Variants in CYP4F3 observed in about 807,000 individuals in gnomAD.
CYP4F3 encodes cytochrome P450 4F3.
Under a neutral mutation model 54.8 loss-of-function variants are expected in CYP4F3, and 50 were observed. The ratio of observed to expected loss-of-function variants is 0.91; its 90% confidence interval spans 0.73 to 1.16. The LOEUF is 1.16. CYP4F3 is among the 50% of genes most tolerant of loss of function. The pLI is 0.00. For synonymous variants in CYP4F3, 244 were observed against 262.6 expected (o/e 0.93, Z 0.69); for missense variants, 715 against 676.2 (o/e 1.06, Z -0.64).
In CYP4F3 at chr19:15,662,306, GA is replaced by G. The variant is rs1973200690; in HGVS notation, c.*2925del. 3.5e-5 allele frequency: 4 copies of G among 114,654 alleles called. No homozygotes were observed. Among genetic ancestry groups the G allele is most frequent in the African/African-American group, 1.6e-4 (4 of 24,938 alleles). The allele number at this position is 114,654 out of a possible 1,614,324, so 7.1% of individuals were successfully genotyped here. ...AAAAAAAAAAAAGGAAAGAAAGAAA[GA>G]AAAGAAAAGAAAATCCTTTTTGCTT... On this transcript the variant is annotated 3_prime_UTR_variant, in exon 13 of 13. Coordinates refer to ENST00000221307, the MANE Select transcript of CYP4F3 (RefSeq NM_000896.3).
At chr19:15,643,931 A>G in intron 2 of CYP4F3, 1 of 1,601,232 alleles carries the variant, frequency 6.2e-7, no homozygotes, top group Non-Finnish European at 8.5e-7. Flanking sequence ...GCAGGGCATG[A>G]GGGTCCTGAC....
At chr19:15,641,778 A>G (rs774876438) in intron 2 of CYP4F3, among the ~76,000 whole-genome samples, 165 bp downstream of exon 2, 3 of 151,942 alleles carry the variant, frequency 2.0e-5, no homozygotes, top group Non-Finnish European at 4.4e-5. Context: ...TGAGGTGCCA[A>G]CCCAAGCCCT....
chr19:15,645,095 GC>G (rs1972583634), intron 2 of CYP4F3, among the ~76,000 whole-genome samples: 1 of 152,138 alleles, frequency 6.6e-6, no homozygotes, highest in Admixed American at 6.5e-5. Context: ...CTTGGCTTTA[GC>G]TTTTTCCACG....
intron 9 of CYP4F3, among the ~76,000 whole-genome samples, chr19:15,653,545 C>CCTGG (rs1490643969): frequency 2.0e-5 from 3 of 152,076 alleles, no homozygotes; most frequent in Admixed American, 6.5e-5. Context: ...GGGAACTGTC[C>CCTGG]CTGGGCAGGA....
chr19:15,643,168 G>A (rs997937151), intron 2 of CYP4F3, among the ~76,000 whole-genome samples: 2 of 151,310 alleles, frequency 1.3e-5, no homozygotes, highest in African/African-American at 4.8e-5. Context: ...TGAATAGATA[G>A]ATAGGTAGGT....
chr19:15,650,734 T>TTTTC (rs1972797221), intron 7 of CYP4F3, among the ~76,000 whole-genome samples: 1 of 117,652 alleles, frequency 8.5e-6, no homozygotes, highest in Non-Finnish European at 1.7e-5. Context: ...CTTTCTTTCT[T>TTTTC]TCTTTTCCTT....
rs745975441 is a variant in CYP4F3 at position 15,645,780 on chromosome 19, T to G, written c.260T>G (p.Met87Arg). The G allele has an allele frequency of 3.1e-6, 5 of 1,614,060 alleles. No homozygotes were observed. The highest frequency in any genetic ancestry group is 4.2e-6 in the Non-Finnish European group (5 of 1,180,004). Residue 87 changes from methionine to arginine, a missense_variant, in exon 3 of 13, where the codon ATG becomes AGG. Coordinates refer to ENST00000221307, the MANE Select transcript of CYP4F3 (RefSeq NM_000896.3). Reference protein sequence around the residue: ...TQSLACTFGDMCCWWVGPWHA... With the variant: ...TQSLACTFGDRCCWWVGPWHA... Reference sequence around the variant, plus strand: ...AGCCTGGCATGCACCTTCGGTGATATGTGCTGCTGGTGGGTGGGGCCCTGG... The same window carrying G: ...AGCCTGGCATGCACCTTCGGTGATAGGTGCTGCTGGTGGGTGGGGCCCTGG...
intron 5 of CYP4F3, among the ~76,000 whole-genome samples, chr19:15,648,199 A>T (rs960714066): frequency 1.3e-5 from 2 of 152,098 alleles, no homozygotes; most frequent in African/African-American, 4.8e-5. Flanking sequence ...GAAGAACAAG[A>T]AACTCCTGGG....
In CYP4F3 at chr19:15,641,543, A is replaced by G. The variant is rs373921730; in HGVS notation, c.128A>G (p.Asp43Gly). The change falls in exon 2 of 13, where the codon GAC (aspartate) becomes GGC (glycine). Residue 43 changes from aspartate (D) to glycine (G), a missense_variant. Physicochemically the swap from Asp to Gly is moderately conservative, Grantham distance 94. Coordinates refer to ENST00000221307, the MANE Select transcript of CYP4F3 (RefSeq NM_000896.3). ...CTGGCCTGGACCTATACCTTCTATGACAACTGCTGCCGCCTCCGGTGTTTC... is the reference window on the plus strand; with the variant it reads ...CTGGCCTGGACCTATACCTTCTATGGCAACTGCTGCCGCCTCCGGTGTTTC... Reference protein sequence around the residue: ...RILAWTYTFYDNCCRLRCFPQ... With the variant: ...RILAWTYTFYGNCCRLRCFPQ... 5 of 1,614,134 alleles carry G rather than the reference A, an allele frequency of 3.1e-6. No individual in the cohort carries two copies. Among genetic ancestry groups the G allele is most frequent in the Middle Eastern group, 3.3e-4 (2 of 6,062 alleles).
At chr19:15,649,315 C>T (rs777905636) in intron 6 of CYP4F3, 34 bp downstream of exon 6, 37 of 1,610,924 alleles carry the variant, frequency 2.3e-5, no homozygotes, top group East Asian at 6.7e-5. Flanking sequence ...GATCCTGGGC[C>T]GTGGACACAA....
chr19:15,641,720 G>C, intron 2 of CYP4F3, 107 bp downstream of exon 2: 1 of 1,248,834 alleles, frequency 8.0e-7, no homozygotes. Flanking sequence ...TGGGGTGGCA[G>C]AGAAGCAGGG....
At chr19:15,655,182 T>C (rs1417828884) in intron 9 of CYP4F3, among the ~76,000 whole-genome samples, 1 of 152,232 alleles carries the variant, frequency 6.6e-6, no homozygotes, top group Non-Finnish European at 1.5e-5. Context: ...TTTTAAGAAA[T>C]GTCTATTCAG....
At chr19:15,651,359 T>G (rs1342834715) in intron 7 of CYP4F3, among the ~76,000 whole-genome samples, 1 of 116,818 alleles carries the variant, frequency 8.6e-6, no homozygotes, top group East Asian at 2.6e-4. Context: ...CAATGCTATA[T>G]CTATATCTTT....
At chr19:15,650,534 A>C (rs1005935671) in intron 7 of CYP4F3, among the ~76,000 whole-genome samples, 1 of 152,086 alleles carries the variant, frequency 6.6e-6, no homozygotes, top group Non-Finnish European at 1.5e-5. Context: ...GTCTCTCTCT[A>C]TGACTATGAC....
intron 2 of CYP4F3, chr19:15,643,917 C>A (rs549862015): frequency 6.3e-7 from 1 of 1,582,290 alleles, no homozygotes; most frequent in South Asian, 1.2e-5. Flanking sequence ...GTCACCCCCA[C>A]GGAGCAGGGC....
chr19:15,650,668 C>T (rs201999556), intron 7 of CYP4F3, among the ~76,000 whole-genome samples: 1 of 19,856 alleles, frequency 5.0e-5, no homozygotes, highest in East Asian at 3.0e-3. Context: ...CTTTTTCTTT[C>T]TTTCTTTCTT....
chr19:15,646,069 T>C (rs986342253), intron 3 of CYP4F3, among the ~76,000 whole-genome samples: 1 of 152,210 alleles, frequency 6.6e-6, no homozygotes, highest in Non-Finnish European at 1.5e-5. Flanking sequence ...AGTGTCTCTA[T>C]GGTGGCTGTT....
At chr19:15,653,679 A>G (rs1037813558) in intron 9 of CYP4F3, among the ~76,000 whole-genome samples, 43 of 149,818 alleles carry the variant, frequency 2.9e-4, no homozygotes, top group South Asian at 4.3e-4. Flanking sequence ...ACAGTTGGGG[A>G]GCAGTGCTGT....
chr19:15,641,383 G>A lies in CYP4F3; in HGVS notation c.-1-32G>A, dbSNP rs372130792. The A allele has an allele frequency of 6.0e-5, 96 of 1,612,480 alleles. 1 individual carries two copies. The South Asian group carries it at 8.2e-4, about 14-fold the overall frequency. ...TCCCTGGGCCCTTCCCTGGGCCTCA[G>A]GACCTCACTCACCACCCCATCTGCC... On this transcript the variant is annotated intron_variant, in intron 1 of 12. Coordinates refer to ENST00000221307, the MANE Select transcript of CYP4F3 (RefSeq NM_000896.3).
Sources: gnomAD v4.1 joint callset for allele counts (sites outside exome capture counted in the v4.1 genomes callset) on GRCh38, gnomAD v4.1.1 for gene constraint, MANE v1.5 for transcripts, NCBI Gene and HGNC (gene_info 2026-07-23, HGNC 2026-07-21) for gene names.